Variants in ZC3H12B observed in about 807,000 individuals in gnomAD.
ZC3H12B encodes the protein zinc finger CCCH-type containing 12B.
In ZC3H12B, 7 loss-of-function variants were observed where a neutral mutation model predicts 43.9. That is an observed-to-expected ratio of 0.16 (90% confidence interval 0.09 to 0.30). The LOEUF (loss-of-function observed/expected upper bound fraction) is 0.30, where lower values mean the gene tolerates loss of function less well. Ranked by LOEUF, ZC3H12B falls within the 10% of genes least tolerant of loss-of-function variation. The pLI is 1.00. For missense variants in ZC3H12B, 475 were observed against 670.2 expected, an observed-to-expected ratio of 0.71 and a Z score of 3.22; for synonymous variants, 222 against 241.7, an observed-to-expected ratio of 0.92 and a Z score of 0.76.
chrX:65,202,248 G>C, the ZC3H12B span, among the ~76,000 whole-genome samples: 1 of 94,094 alleles, frequency 1.1e-5, no homozygotes, highest in Non-Finnish European at 2.1e-5. Context: ...TGTGAAAACA[G>C]ACGAATATAG....
chrX:65,456,143 TA>T (rs917300507), intron 3 of ZC3H12B, among the ~76,000 whole-genome samples: 2 of 111,282 alleles, frequency 1.8e-5, no homozygotes, highest in African/African-American at 3.3e-5. Context: ...ACCTTAAATG[TA>T]AATGGGCTAA....
chrX:65,042,826 A>G, the ZC3H12B span, among the ~76,000 whole-genome samples: 1 of 110,567 alleles, frequency 9.0e-6, no homozygotes, highest in Admixed American at 9.6e-5. Context: ...AGAGACTTCA[A>G]CTAGGTTGAC....
the ZC3H12B span, among the ~76,000 whole-genome samples, chrX:65,174,604 G>A: frequency 4.5e-5 from 5 of 112,020 alleles, no homozygotes; most frequent in African/African-American, 1.6e-4. Flanking sequence ...GAGGCACTGT[G>A]GTCACAGCCG....
rs1351914886 is a variant in ZC3H12B, at chrX:65,398,724, T to C, written n.407+20T>C. The stretch of plus-strand genomic sequence containing the variant: ...AGAACTGTGAGTCAATTTAACCTTT[T>C]TTCTTTGTAAATTACCCATTTTTAA... On this transcript the variant is annotated intron_variant and non_coding_transcript_variant, in intron 3 of 5. Transcript: ENST00000617377. 1.8e-5 allele frequency: 2 copies of C among 112,119 alleles called. No individual in the cohort carries two copies. Among genetic ancestry groups the C allele is most frequent in the African/African-American group, 6.5e-5 (2 of 30,864 alleles). The allele number at this position is 112,119 out of a possible 1,213,427, so 9.2% of individuals were successfully genotyped here. A position where few individuals can be genotyped will look rare whatever the true frequency, so the allele number is the denominator to read the frequency against.
At chrX:65,234,558 G>A in the ZC3H12B span, among the ~76,000 whole-genome samples, 1 of 111,912 alleles carries the variant, frequency 8.9e-6, no homozygotes, top group Non-Finnish European at 1.9e-5. Context: ...TTGGAAAGCA[G>A]GACGTCAAAT....
chrX:65,112,469 G>A, the ZC3H12B span, among the ~76,000 whole-genome samples: 1 of 112,019 alleles, frequency 8.9e-6, no homozygotes, highest in Non-Finnish European at 1.9e-5. Flanking sequence ...GGAAGGAGCT[G>A]CCATCTAGGA....
chrX:65,393,593 T>C (rs1255749445), intron 2 of ZC3H12B, among the ~76,000 whole-genome samples: 1 of 112,131 alleles, frequency 8.9e-6, no homozygotes, highest in Non-Finnish European at 1.9e-5. Context: ...GCAAAGAACA[T>C]GAACTCATCC....
chrX:65,506,088 C>T (rs2068422267), exon 5 of ZC3H12B: 1 of 112,190 alleles, frequency 8.9e-6, no homozygotes, highest in African/African-American at 3.2e-5. Flanking sequence ...GGAAGTAGCT[C>T]AGGGGTTGTG....
the ZC3H12B span, among the ~76,000 whole-genome samples, chrX:65,035,205 G>A: frequency 8.9e-6 from 1 of 112,129 alleles, no homozygotes; most frequent in Non-Finnish European, 1.9e-5. Flanking sequence ...GCGGGCGGGG[G>A]AGGGGCTCCC....
chrX:65,257,217 T>C, the ZC3H12B span, among the ~76,000 whole-genome samples: 2 of 111,928 alleles, frequency 1.8e-5, no homozygotes, highest in African/African-American at 6.5e-5. Context: ...TGTCCATCAA[T>C]GATATACTGG....
At chrX:65,152,693 C>T in the ZC3H12B span, among the ~76,000 whole-genome samples, 2 of 111,342 alleles carry the variant, frequency 1.8e-5, no homozygotes, top group African/African-American at 6.5e-5. Context: ...CCATCCCCAT[C>T]AAGCTACCAG....
At chrX:65,357,049 G>C in the ZC3H12B span, 1 of 580,986 alleles carries the variant, frequency 1.7e-6, no homozygotes, top group Non-Finnish European at 3.0e-6. Flanking sequence ...TTGCTGAGCT[G>C]GGTCTCCTTG....
At chrX:65,367,427 GT>G (rs1466161125) in intron 1 of ZC3H12B, among the ~76,000 whole-genome samples, 1 of 111,521 alleles carries the variant, frequency 9.0e-6, no homozygotes, top group Non-Finnish European at 1.9e-5. Context: ...TCTTGAACAT[GT>G]CGCACATCTA....
At chrX:65,108,535 A>G in the ZC3H12B span, among the ~76,000 whole-genome samples, 68 of 109,947 alleles carry the variant, frequency 6.2e-4, no homozygotes, top group Middle Eastern at 4.7e-3. Flanking sequence ...CCACTAGAAG[A>G]TCTTCAGGGG....
chrX:65,365,842 C>G (rs1375879756), upstream of ZC3H12B, among the ~76,000 whole-genome samples: 1 of 109,665 alleles, frequency 9.1e-6, no homozygotes, highest in Admixed American at 9.9e-5. Context: ...AGAACAACCC[C>G]CTTTGACTGT....
the ZC3H12B span, among the ~76,000 whole-genome samples, chrX:65,211,802 T>G: frequency 2.4e-5 from 2 of 81,823 alleles, no homozygotes; most frequent in African/African-American, 4.8e-5. Context: ...TTATGTATAC[T>G]ATATAATATA....
At chrX:65,082,612 C>T in the ZC3H12B span, among the ~76,000 whole-genome samples, 1 of 110,867 alleles carries the variant, frequency 9.0e-6, no homozygotes, top group Non-Finnish European at 1.9e-5. Context: ...GAGATCGAAG[C>T]TGTAATAACA....
chrX:65,460,684 C>T (rs1476341203), intron 3 of ZC3H12B, among the ~76,000 whole-genome samples: 2 of 111,765 alleles, frequency 1.8e-5, no homozygotes, highest in African/African-American at 6.5e-5. Flanking sequence ...GGATCCCTTC[C>T]TTACACCTTA....
chrX:65,321,276 G>A, the ZC3H12B span, among the ~76,000 whole-genome samples: 362 of 111,960 alleles, frequency 3.2e-3, 2 homozygotes, highest in African/African-American at 0.011. Context: ...CACACATTCG[G>A]CCAAGAAACA....
Sources: allele counts gnomAD v4.1 joint callset (sites outside exome capture counted in the v4.1 genomes callset), GRCh38; gene constraint gnomAD v4.1.1; transcripts MANE v1.5; gene names NCBI Gene and HGNC (gene_info 2026-07-23, HGNC 2026-07-21).